The following UBA1 variants were observed in gnomAD, a reference collection of about 807,000 sequenced individuals.
The protein encoded by UBA1 is ubiquitin-like modifier-activating enzyme 1.
A neutral mutation model predicts 84.7 loss-of-function variants in UBA1; 4 were observed. The observed-to-expected ratio is 0.05, with a 90% CI of 0.02 to 0.11. The LOEUF is 0.11. Among genes scored for constraint, UBA1 ranks in the 10% least tolerant of loss-of-function variants. The pLI is 1.00. For synonymous variants in UBA1, 364 were observed against 362.6 expected (o/e 1.00, Z -0.04); for missense variants, 513 against 902.8 (o/e 0.57, Z 5.53).
intron 16 of UBA1, among the ~76,000 whole-genome samples, chrX:47,207,368 C>T (rs1423256836): frequency 4.5e-5 from 5 of 111,711 alleles, no homozygotes; most frequent in Non-Finnish European, 9.4e-5. Context: ...CTAATACTAA[C>T]GATAGCTGAT....
intron 6 of UBA1, 134 bp downstream of exon 6, chrX:47,201,134 C>A: frequency 1.3e-6 from 1 of 790,104 alleles, no homozygotes; most frequent in South Asian, 2.2e-5. Flanking sequence ...TTTCATCTCT[C>A]CCCATGTGGC....
At chrX:47,202,319 C>A in intron 9 of UBA1, 39 bp from the exon 10 acceptor site, 2 of 1,209,222 alleles carry the variant, frequency 1.7e-6, no homozygotes, top group Non-Finnish European at 2.2e-6. Context: ...GTTCTCCATT[C>A]CTCTCTTCTG....
upstream of UBA1, chrX:47,191,812 C>T (rs782652062): frequency 2.7e-5 from 3 of 112,074 alleles, no homozygotes; most frequent in South Asian, 1.1e-3. Flanking sequence ...GCTTTTGCAG[C>T]TTTGTCTGCG....
chrX:47,197,712 T>C (rs1265974497), intron 1 of UBA1: 6 of 641,146 alleles, frequency 9.4e-6, no homozygotes, highest in Non-Finnish European at 1.1e-5. Context: ...TCTGCCTTGC[T>C]GGGTCAGGGT....
chrX:47,201,374 G>C lies in UBA1; in HGVS notation c.678+8G>C. On this transcript the variant is annotated splice_region_variant and intron_variant, in intron 7 of 25. Coordinates refer to ENST00000335972, the MANE Select transcript of UBA1 (RefSeq NM_003334.4). ...GTTTCTATGGTTACCAAGGTAAGGA[G>C]ACCAGCCCTAGGGTTCCTGGCAGGC... 8.3e-7 allele frequency: 1 copy of C among 1,208,960 alleles called. No individual in the cohort carries two copies.
chrX:47,195,350 A>G (rs1452719022), intron 1 of UBA1, among the ~76,000 whole-genome samples: 1 of 111,239 alleles, frequency 9.0e-6, no homozygotes, highest in African/African-American at 3.3e-5. Flanking sequence ...CCTGGGTTCA[A>G]GCGATTCTCC....
At chrX:47,209,784 CTT>C in intron 17 of UBA1, 97 bp downstream of exon 17, 17 of 1,094,440 alleles carry the variant, frequency 1.6e-5, no homozygotes, top group Non-Finnish European at 2.2e-5. Context: ...ACCAGGCACA[CTT>C]TTCACATGAA....
chrX:47,214,490 C>T, intron 24 of UBA1, 47 bp from the exon 25 acceptor site: 1 of 1,197,066 alleles, frequency 8.4e-7, no homozygotes, highest in Non-Finnish European at 1.1e-6. Flanking sequence ...CGGTGACTTG[C>T]TGGCCTGTCC....
chrX:47,196,950 C>A, intron 1 of UBA1: 1 of 231,479 alleles, frequency 4.3e-6, no homozygotes, highest in Non-Finnish European at 6.2e-6. Flanking sequence ...CTGCCAGCAG[C>A]CCCTTGAAGA....
chrX:47,208,096 A>C (rs1183594985), intron 16 of UBA1, among the ~76,000 whole-genome samples: 2 of 111,804 alleles, frequency 1.8e-5, no homozygotes, highest in Admixed American at 9.4e-5. Flanking sequence ...ACATCTGTAC[A>C]CTCCAAACCA....
At position 47,202,632 on chromosome X, in the gene UBA1, C is replaced by T. The variant is rs368438591; in HGVS notation, c.1057-6C>T. 37 of 1,212,170 alleles carry T rather than the reference C, an allele frequency of 3.1e-5. No homozygotes were observed. Among genetic ancestry groups the T allele is most frequent in the Non-Finnish European group, 4.1e-5 (37 of 895,524 alleles). ...TATCCTCTCTTGGTTCTTTCTGGCC[C>T]ACCAGGAGGATGCAGCAGAACTGGT... On this transcript the variant is annotated splice_polypyrimidine_tract_variant and splice_region_variant and intron_variant, in intron 10 of 25. Transcript: ENST00000335972.
At chrX:47,196,824 T>C (rs1184947915) in intron 1 of UBA1, among the ~76,000 whole-genome samples, 1 of 111,740 alleles carries the variant, frequency 8.9e-6, no homozygotes, top group African/African-American at 3.3e-5. Context: ...CCAAACAAAC[T>C]GACCAATGAC....
chrX:47,201,755 C>A, intron 8 of UBA1, 145 bp downstream of exon 8: 1 of 704,344 alleles, frequency 1.4e-6, no homozygotes, highest in Non-Finnish European at 2.2e-6. Flanking sequence ...ACAGACAATC[C>A]TGTGGGGTCC....
Position 47,209,620 on chromosome X carries a change from C to T in UBA1, c.1939-3C>T, listed in dbSNP as rs868949413. The T allele has an allele frequency of 8.3e-7, 1 of 1,210,795 alleles. No homozygotes were observed. Among genetic ancestry groups the T allele is most frequent in the Non-Finnish European group, 1.1e-6 (1 of 894,569 alleles). ...ACATGTAATCTGTTTGCTCTGTCTG[C>T]AGTGGGCTCGGGATGAGTTTGAAGG... On this transcript the variant is annotated splice_region_variant and splice_polypyrimidine_tract_variant and intron_variant, in intron 16 of 25. Transcript: ENST00000335972.
At position 47,212,804 on chromosome X, in the gene UBA1, G is replaced by A. The variant is rs1423595377; in HGVS notation, c.2587G>A (p.Val863Met). ...DDSNFHMDFI[V>M]AASNLRAENY... is the part of the protein sequence containing the mutation. ...CAGCAACTTTCATATGGATTTCATC[G>A]TGGCTGCATCCAACCTCCGGGCAGA... The change falls in exon 22 of 26, where the codon GTG (valine) becomes ATG (methionine). Residue 863 changes from valine (V) to methionine (M), a missense_variant. Val to Met is a conservative substitution (Grantham distance 21, BLOSUM62 1). Coordinates refer to ENST00000335972, the MANE Select transcript of UBA1 (RefSeq NM_003334.4). 8.3e-7 allele frequency: 1 copy of A among 1,211,319 alleles called. No homozygotes were observed. The highest frequency in any genetic ancestry group is 1.1e-6 in the Non-Finnish European group (1 of 895,325).
intron 23 of UBA1, 36 bp downstream of exon 23, chrX:47,213,217 G>T: frequency 8.4e-7 from 1 of 1,184,817 alleles, no homozygotes. Context: ...TTTGGGTGGG[G>T]TGTATCTGTG....
chrX:47,208,393 G>A (rs1556792091), intron 16 of UBA1, among the ~76,000 whole-genome samples: 9 of 111,663 alleles, frequency 8.1e-5, no homozygotes, highest in Non-Finnish European at 1.7e-4. Flanking sequence ...TAAACTCCTG[G>A]GCTCAAGTGA....
chrX:47,198,663 C>T, intron 1 of UBA1, 140 bp from the exon 2 acceptor site: 2 of 607,403 alleles, frequency 3.3e-6, no homozygotes, highest in Non-Finnish European at 5.4e-6. Flanking sequence ...CAAGTCCTCA[C>T]CTTTCTGTGC....
At position 47,209,175 on chromosome X, in the gene UBA1, G is replaced by A. The variant is rs782693437; in HGVS notation, c.1939-448G>A. The A allele has an allele frequency of 2.0e-5, 6 of 305,290 alleles. No homozygotes were observed. In the South Asian group the frequency reaches 4.1e-4, roughly 21 times the overall value. The allele number at this position is 305,290 out of a possible 1,213,427, so 25.2% of individuals were successfully genotyped here. A position where few individuals can be genotyped will look rare whatever the true frequency, so the allele number is the denominator to read the frequency against. ...CAACTTCATTGATTTTTCTTTTTTT[G>A]AGACAGTCTTCCTCTGTCACCCAGG... On this transcript the variant is annotated intron_variant, in intron 16 of 25. Transcript: ENST00000335972.
Sources: allele counts gnomAD v4.1 joint callset (sites outside exome capture counted in the v4.1 genomes callset), GRCh38; gene constraint gnomAD v4.1.1; transcripts MANE v1.5; gene names NCBI Gene and HGNC (gene_info 2026-07-23, HGNC 2026-07-21).